Variants in MDGA2 observed in about 807,000 individuals in gnomAD.
The protein encoded by MDGA2 is MAM domain containing glycosylphosphatidylinositol anchor 2, also known as MAM domain-containing glycosylphosphatidylinositol anchor protein 2.
A neutral mutation model predicts 117.8 loss-of-function variants in MDGA2; 40 were observed. The ratio of observed to expected loss-of-function variants is 0.34; its 90% CI spans 0.26 to 0.44. MDGA2 has a LOEUF of 0.44. Among genes scored for constraint, MDGA2 ranks in the 20% least tolerant of loss-of-function variants. The pLI is 1.00. For missense variants in MDGA2, 1,123 were observed against 1,250.6 expected, an observed-to-expected ratio of 0.90 and a Z score of 1.54; for synonymous variants, 452 against 439.0, an observed-to-expected ratio of 1.03 and a Z score of -0.37.
chr14:47,243,768 T>G (rs537636406), intron 2 of MDGA2, among the ~76,000 whole-genome samples: 2 of 151,850 alleles, frequency 1.3e-5, no homozygotes, highest in African/African-American at 4.8e-5. Context: ...GCTTCATTCT[T>G]GAAGTCAGTG....
intron 1 of MDGA2, among the ~76,000 whole-genome samples, chr14:47,421,729 G>A (rs1269816198): frequency 6.6e-6 from 1 of 152,072 alleles, no homozygotes; most frequent in Non-Finnish European, 1.5e-5. Flanking sequence ...CTCTCATGAA[G>A]ACTAAAGCTG....
intron 3 of MDGA2, among the ~76,000 whole-genome samples, chr14:47,169,662 T>C (rs754050468): frequency 3.3e-5 from 5 of 152,054 alleles, no homozygotes; most frequent in Non-Finnish European, 5.9e-5. Flanking sequence ...AAGCCTAGCA[T>C]TAGCTTAAAA....
chr14:47,072,692 AT>A (rs1192292745), intron 6 of MDGA2, among the ~76,000 whole-genome samples: 8 of 152,130 alleles, frequency 5.3e-5, no homozygotes, highest in Non-Finnish European at 8.8e-5. Flanking sequence ...AGCCATCTGC[AT>A]TTTAACAACC....
chr14:46,965,209 C>G (rs1382839815), intron 8 of MDGA2, among the ~76,000 whole-genome samples: 2 of 120,286 alleles, frequency 1.7e-5, no homozygotes, highest in African/African-American at 9.0e-5. Flanking sequence ...AGGCGCGAGC[C>G]ACCGCGCCCG....
intron 14 of MDGA2, among the ~76,000 whole-genome samples, chr14:46,872,712 A>C (rs1316358338): frequency 6.6e-6 from 1 of 152,000 alleles, no homozygotes; most frequent in East Asian, 1.9e-4. Context: ...CTAACATGTA[A>C]TGTCAAATAA....
intron 4 of MDGA2, among the ~76,000 whole-genome samples, chr14:47,142,689 T>C (rs1566648341): frequency 6.6e-6 from 1 of 152,102 alleles, no homozygotes; most frequent in Non-Finnish European, 1.5e-5. Flanking sequence ...TTAGTAACAA[T>C]TGGAGAATGC....
At chr14:46,845,111 C>T (rs1198759120) in intron 16 of MDGA2, among the ~76,000 whole-genome samples, 1 of 152,134 alleles carries the variant, frequency 6.6e-6, no homozygotes, top group African/African-American at 2.4e-5. Context: ...TCTTGATCTC[C>T]TGACCTTGTG....
rs947510634 is a variant in MDGA2, at chr14:47,463,962, T to C, written c.281-162412A>G. On this transcript the variant is annotated intron_variant, in intron 1 of 16. Coordinates refer to ENST00000399232, the MANE Select transcript of MDGA2 (RefSeq NM_001113498.3). ...AGTATAATTAATGGCCAAATACTCA[T>C]TGAGAGGACTGATTAGGATGGATTA... Among the ~76,000 whole-genome samples, 6 of 152,168 alleles carry C rather than the reference T, an allele frequency of 3.9e-5. No homozygotes were observed. The South Asian group carries it at 6.2e-4, about 16-fold the overall frequency.
chr14:47,295,290 T>G (rs1889026106), intron 2 of MDGA2, among the ~76,000 whole-genome samples: 1 of 152,172 alleles, frequency 6.6e-6, no homozygotes, highest in Admixed American at 6.5e-5. Flanking sequence ...ATACCTATGT[T>G]TATTATTAAA....
intron 6 of MDGA2, among the ~76,000 whole-genome samples, chr14:47,092,504 G>T (rs75173137): frequency 0.031 from 4,749 of 152,184 alleles, 262 homozygotes; most frequent in African/African-American, 0.11. Flanking sequence ...TAATTAGAAG[G>T]ATATCTTTAG....
intron 1 of MDGA2, among the ~76,000 whole-genome samples, chr14:47,330,129 A>C (rs1336770949): frequency 6.6e-6 from 1 of 152,004 alleles, no homozygotes; most frequent in African/African-American, 2.4e-5. Flanking sequence ...ATATTTCACA[A>C]GTAGCAATTT....
At chr14:47,442,362 C>G (rs1213362742) in intron 1 of MDGA2, among the ~76,000 whole-genome samples, 1 of 152,032 alleles carries the variant, frequency 6.6e-6, no homozygotes, top group Non-Finnish European at 1.5e-5. Context: ...GTAAGGCAAA[C>G]AGTTGTCTGT....
At chr14:47,293,465 T>C (rs1163804109) in intron 2 of MDGA2, among the ~76,000 whole-genome samples, 1 of 152,188 alleles carries the variant, frequency 6.6e-6, no homozygotes, top group Admixed American at 6.5e-5. Context: ...AATCCAGGCA[T>C]AGAGAAGAGA....
At chr14:46,894,290 C>A (rs1882995590) in intron 10 of MDGA2, among the ~76,000 whole-genome samples, 1 of 152,056 alleles carries the variant, frequency 6.6e-6, no homozygotes, top group Non-Finnish European at 1.5e-5. Flanking sequence ...CCAATATTGT[C>A]CAATTTCCAG....
chr14:47,251,473 AT>A (rs1190249539), intron 2 of MDGA2, among the ~76,000 whole-genome samples: 1 of 138,294 alleles, frequency 7.2e-6, no homozygotes, highest in African/African-American at 2.5e-5. Context: ...TTAGTACATA[AT>A]TTTTTTAAAA....
intron 10 of MDGA2, among the ~76,000 whole-genome samples, chr14:46,902,715 C>T (rs1883335775): frequency 6.6e-6 from 1 of 152,160 alleles, no homozygotes; most frequent in Non-Finnish European, 1.5e-5. Flanking sequence ...GATATTTTCA[C>T]ACTCTCAAGT....
chr14:47,661,007 T>C (rs1303403808), intron 1 of MDGA2, among the ~76,000 whole-genome samples: 1 of 152,182 alleles, frequency 6.6e-6, no homozygotes, highest in African/African-American at 2.4e-5. Context: ...GTGCTGACAT[T>C]AGCTACCTAC....
rs2138301712 is a variant in MDGA2 at position 46,855,333 on chromosome 14, A to G, written c.2753-179T>C. On this transcript the variant is annotated intron_variant, in intron 14 of 16. Transcript: ENST00000399232. The surrounding 1 kb of genome is among the most constrained non-coding windows in gnomAD (Gnocchi z 4.1). ...TATGACATTTGACATTTGATCCAAA[A>G]GTAACCATCTCCTAATTCCCTAGAA... Among the ~76,000 whole-genome samples, 1 of 152,256 alleles carries G rather than the reference A, an allele frequency of 6.6e-6. No individual in the cohort carries two copies. Among genetic ancestry groups the G allele is most frequent in the African/African-American group, 2.4e-5 (1 of 41,574 alleles).
At chr14:47,627,734 C>G (rs549926373) in intron 1 of MDGA2, among the ~76,000 whole-genome samples, 1 of 152,146 alleles carries the variant, frequency 6.6e-6, no homozygotes, top group African/African-American at 2.4e-5. Flanking sequence ...CCGCTGGGGT[C>G]CCCTTCCACA....
Sources: gnomAD v4.1 joint callset for allele counts (sites outside exome capture counted in the v4.1 genomes callset) on GRCh38, gnomAD v4.1.1 for gene constraint, Gnocchi (gnomAD v3.1) non-coding constraint, MANE v1.5 for transcripts, NCBI Gene and HGNC (gene_info 2026-07-23, HGNC 2026-07-21) for gene names.